Variants in KSR2 observed in about 807,000 individuals in gnomAD.
The protein encoded by KSR2 is kinase suppressor of ras 2.
In KSR2, 25 loss-of-function variants were observed where a neutral mutation model predicts 107.8. That is an observed-to-expected ratio of 0.23 (90% CI 0.17 to 0.32). The LOEUF (loss-of-function observed/expected upper bound fraction) is 0.32. Among genes scored for constraint, KSR2 ranks in the 10% least tolerant of loss-of-function variants. The pLI, the probability that KSR2 is intolerant of heterozygous loss-of-function variation, is 1.00. For missense variants in KSR2, 887 were observed against 1,268.9 expected, an observed-to-expected ratio of 0.70 and a Z score of 4.57; for synonymous variants, 480 against 507.0, an observed-to-expected ratio of 0.95 and a Z score of 0.71.
rs188773852 is a variant in KSR2 at position 117,829,311 on chromosome 12, C to G, written c.472+26117G>C. On this transcript the variant is annotated intron_variant, in intron 3 of 19. Coordinates refer to ENST00000339824, the MANE Select transcript of KSR2 (RefSeq NM_173598.6). ...CAATTGGTAACTTTCTGGTTTTATA[C>G]CCAACTCAAATATCTCCTTCACTCT... Among the ~76,000 whole-genome samples, 57 of 152,278 alleles carry G rather than the reference C, an allele frequency of 3.7e-4. 1 individual carries two copies. The highest frequency in any genetic ancestry group is 1.3e-3 in the African/African-American group (56 of 41,558).
At chr12:117,787,683 T>C (rs1890127053) in intron 3 of KSR2, among the ~76,000 whole-genome samples, 1 of 151,616 alleles carries the variant, frequency 6.6e-6, no homozygotes, top group Admixed American at 6.6e-5. Context: ...AGTGCAAATA[T>C]AGTTTAGGAG....
chr12:117,888,350 C>G (rs939390606), intron 1 of KSR2, among the ~76,000 whole-genome samples: 3 of 152,300 alleles, frequency 2.0e-5, no homozygotes, highest in Non-Finnish European at 4.4e-5. Context: ...GACAAATACT[C>G]TATGACTCCA....
At chr12:117,651,908 T>C (rs7485529) in intron 5 of KSR2, among the ~76,000 whole-genome samples, 14,110 of 152,210 alleles carry the variant, frequency 0.093, 964 homozygotes, top group East Asian at 0.3. Context: ...CTACAAAATT[T>C]ACATACAAGG....
At chr12:117,835,292 G>A (rs562447735) in intron 3 of KSR2, among the ~76,000 whole-genome samples, 46 of 152,284 alleles carry the variant, frequency 3.0e-4, no homozygotes, top group Middle Eastern at 3.4e-3. Flanking sequence ...GGGGAGACAG[G>A]GAGAGATGGT....
chr12:117,479,997 C>T (rs1393913002), intron 16 of KSR2, among the ~76,000 whole-genome samples: 1 of 151,600 alleles, frequency 6.6e-6, no homozygotes, highest in Non-Finnish European at 1.5e-5. Flanking sequence ...CAGAGACACG[C>T]AATTACTGGA....
chr12:117,828,280 T>C (rs779449129), intron 3 of KSR2, among the ~76,000 whole-genome samples: 5 of 152,176 alleles, frequency 3.3e-5, no homozygotes, highest in Non-Finnish European at 7.3e-5. Context: ...TAATCACTTG[T>C]TTCAACCTAT....
intron 9 of KSR2, among the ~76,000 whole-genome samples, chr12:117,549,213 G>C (rs558095757): frequency 6.6e-6 from 1 of 152,304 alleles, no homozygotes; most frequent in Admixed American, 6.5e-5. Flanking sequence ...TCAGTGACGT[G>C]TGGAGTGAAG....
At position 117,461,012 on chromosome 12, in the gene KSR2, A is replaced by C. The variant is rs1849252525; in HGVS notation, c.*6187T>G. The stretch of plus-strand genomic sequence containing the variant: ...GCAAACTGGCTCAGCACAATGGCTT[A>C]GCCCTGTAATCCCAGTGCTTTGGGA... On this transcript the variant is annotated 3_prime_UTR_variant, in exon 20 of 20. Transcript: ENST00000339824. The C allele has an allele frequency of 6.6e-6, 1 of 152,350 alleles. No homozygotes were observed. The highest frequency in any genetic ancestry group is 2.4e-5 in the African/African-American group (1 of 41,460). 9.4% of individuals were successfully genotyped at this position (152,350 alleles called of 1,614,324 possible). A position where few individuals can be genotyped will look rare whatever the true frequency, so the allele number is the denominator to read the frequency against.
chr12:117,717,671 GTGTGTGTGT>G (rs1887042050), intron 4 of KSR2, among the ~76,000 whole-genome samples: 12 of 7,274 alleles, frequency 1.6e-3, no homozygotes, highest in Admixed American at 0.016. Flanking sequence ...AGACAGGTGT[GTGTGTGTGT>G]GTGTGTGTGT....
intron 7 of KSR2, among the ~76,000 whole-genome samples, chr12:117,561,712 G>A (rs1378090072): frequency 3.3e-5 from 5 of 152,134 alleles, no homozygotes; most frequent in African/African-American, 7.2e-5. Flanking sequence ...TTCCCAATAC[G>A]GATGCTTGAC....
chr12:117,591,699 C>T (rs1332177165), intron 5 of KSR2, among the ~76,000 whole-genome samples: 1 of 147,134 alleles, frequency 6.8e-6, no homozygotes, highest in Admixed American at 6.7e-5. Context: ...TCCACCTGGT[C>T]CCACCCCTGC....
intron 4 of KSR2, among the ~76,000 whole-genome samples, chr12:117,730,692 T>C (rs1196038862): frequency 6.6e-6 from 1 of 152,196 alleles, no homozygotes; most frequent in African/African-American, 2.4e-5. Context: ...TATTTTTTGG[T>C]GGAGACGGGG....
intron 11 of KSR2, among the ~76,000 whole-genome samples, chr12:117,531,328 C>T (rs1054698533): frequency 6.6e-6 from 1 of 152,144 alleles, no homozygotes; most frequent in Admixed American, 6.5e-5. Flanking sequence ...GATGATAAAG[C>T]CCCTTGGTTT....
intron 10 of KSR2, among the ~76,000 whole-genome samples, chr12:117,538,868 G>A (rs1185778758): frequency 1.3e-5 from 2 of 152,194 alleles, no homozygotes; most frequent in Non-Finnish European, 2.9e-5. Flanking sequence ...GCCAGCTGCA[G>A]TGCCATAAAT....
At chr12:117,891,744 T>C (rs1894348998) in intron 1 of KSR2, among the ~76,000 whole-genome samples, 1 of 152,204 alleles carries the variant, frequency 6.6e-6, no homozygotes, top group South Asian at 2.1e-4. Flanking sequence ...CCTAGCACTT[T>C]GGGAGGCCGA....
At position 117,865,635 on chromosome 12, in the gene KSR2, G is replaced by A. The variant is rs142949286; in HGVS notation, c.181-5204C>T. Among the ~76,000 whole-genome samples the A allele has an allele frequency of 3.2e-3, 491 of 152,220 alleles. 3 individuals are homozygous for A. The highest frequency in any genetic ancestry group is 0.011 in the African/African-American group (449 of 41,562). On this transcript the variant is annotated intron_variant, in intron 1 of 19. Transcript: ENST00000339824. ...GCCTCCCAAGGTGCTGGAACTACAG[G>A]TGTGAGCCACCATGCCCAGCCTCAA... is the stretch of plus-strand genomic sequence containing the variant.
chr12:117,903,603 T>A lies in KSR2; in HGVS notation c.181-43172A>T, dbSNP rs542114455. ...CAGTCAAACCTCTACCATATCACTG[T>A]GGGAGAATGCTTGCAATCTGTATCA... On this transcript the variant is annotated intron_variant, in intron 1 of 19. Coordinates refer to ENST00000339824, the MANE Select transcript of KSR2 (RefSeq NM_173598.6). 9.8e-5 allele frequency among the ~76,000 whole-genome samples: 15 copies of A among 152,336 alleles called. 1 individual carries two copies. Among genetic ancestry groups the A allele is most frequent in the Admixed American group, 9.1e-4 (14 of 15,304 alleles).
At chr12:117,935,529 G>T (rs1290854249) in intron 1 of KSR2, among the ~76,000 whole-genome samples, 4 of 152,162 alleles carry the variant, frequency 2.6e-5, no homozygotes, top group Non-Finnish European at 5.9e-5. Context: ...GGGAGGCCGA[G>T]GTGGGTGGAT....
chr12:117,904,303 A>G (rs562033046), intron 1 of KSR2, among the ~76,000 whole-genome samples: 8 of 152,288 alleles, frequency 5.3e-5, no homozygotes, highest in African/African-American at 1.7e-4. Flanking sequence ...TATATTCAGT[A>G]TCTAAACTCG....
Sources: gnomAD v4.1 joint callset for allele counts (sites outside exome capture counted in the v4.1 genomes callset) on GRCh38, gnomAD v4.1.1 for gene constraint, MANE v1.5 for transcripts, NCBI Gene and HGNC (gene_info 2026-07-23, HGNC 2026-07-21) for gene names.